Variants in TMEM131 observed in about 807,000 individuals in gnomAD.
The protein encoded by TMEM131 is transmembrane protein 131.
TMEM131 carries 66 observed loss-of-function variants against 211.6 expected under a neutral mutation model. The observed-to-expected ratio is 0.31, with a 90% confidence interval of 0.26 to 0.38. The LOEUF is 0.38. TMEM131 is among the 10% of genes least tolerant of loss of function. The probability of loss-of-function intolerance (pLI) is 1.00; values close to 1 mark genes in which losing one functional copy is unlikely to be tolerated. For missense variants in TMEM131, 2,036 were observed against 2,299.3 expected, an observed-to-expected ratio of 0.89 and a Z score of 2.34; for synonymous variants, 844 against 841.3, an observed-to-expected ratio of 1.00 and a Z score of -0.06.
chr2:97,920,299 G>C (rs936990032), intron 2 of TMEM131, among the ~76,000 whole-genome samples: 16 of 152,294 alleles, frequency 1.1e-4, no homozygotes, highest in African/African-American at 3.1e-4. Flanking sequence ...TATCTTGGGT[G>C]GGGGTGGCAA....
intron 3 of TMEM131, among the ~76,000 whole-genome samples, chr2:97,900,129 TC>T (rs1461650078): frequency 6.6e-6 from 1 of 152,104 alleles, no homozygotes; most frequent in Non-Finnish European, 1.5e-5. Flanking sequence ...AGAGTATCAG[TC>T]GTTTACTCTC....
chr2:97,952,272 G>A (rs1455455940), intron 1 of TMEM131, among the ~76,000 whole-genome samples: 1 of 152,022 alleles, frequency 6.6e-6, no homozygotes, highest in Non-Finnish European at 1.5e-5. Context: ...TCTAACATTA[G>A]GAGAGGAGAA....
chr2:97,857,707 G>A (rs931648527), intron 5 of TMEM131, among the ~76,000 whole-genome samples: 3 of 152,240 alleles, frequency 2.0e-5, no homozygotes, highest in Admixed American at 2.0e-4. Context: ...ACTCACTGAA[G>A]TGTAATATGA....
At chr2:97,902,100 A>G (rs1675879243) in intron 3 of TMEM131, among the ~76,000 whole-genome samples, 1 of 152,160 alleles carries the variant, frequency 6.6e-6, no homozygotes, top group Non-Finnish European at 1.5e-5. Context: ...AAAAATTTTA[A>G]AGTAGAGTAA....
Position 97,811,118 on chromosome 2 carries a change from A to G in TMEM131, c.1968+10T>C, listed in dbSNP as rs199800444. On this transcript the variant is annotated intron_variant, in intron 18 of 40. Transcript: ENST00000186436. ...AACCCCACTGCCATGAATCCCCATA[A>G]AGTCCTTACCTCATAGTCTGTTGTG... 2.6e-4 allele frequency: 413 copies of G among 1,597,020 alleles called. No homozygotes were observed. Among genetic ancestry groups the G allele is most frequent in the Non-Finnish European group, 3.3e-4 (386 of 1,164,582 alleles).
intron 11 of TMEM131, among the ~76,000 whole-genome samples, chr2:97,826,061 G>C (rs1682368858): frequency 6.6e-6 from 1 of 152,190 alleles, no homozygotes; most frequent in African/African-American, 2.4e-5. Flanking sequence ...ACAAATTATA[G>C]TCCAGATTTA....
chr2:97,831,580 AG>A (rs1190733194), intron 11 of TMEM131, among the ~76,000 whole-genome samples: 1 of 151,894 alleles, frequency 6.6e-6, no homozygotes, highest in Non-Finnish European at 1.5e-5. Context: ...TAACAGAAAT[AG>A]ACTATGCAAT....
intron 4 of TMEM131, 44 bp from the exon 5 acceptor site, chr2:97,859,471 T>C (rs778291200): frequency 6.9e-7 from 1 of 1,452,582 alleles, no homozygotes; most frequent in East Asian, 2.5e-5. Context: ...TCACAGATAA[T>C]TCTGATTATT....
chr2:97,929,862 C>T (rs547105825), intron 1 of TMEM131, among the ~76,000 whole-genome samples: 1 of 151,768 alleles, frequency 6.6e-6, no homozygotes, highest in African/African-American at 2.4e-5. Flanking sequence ...TATCTCTAGT[C>T]CTGGCTTATA....
chr2:97,822,128 A>G (rs1682153672), intron 11 of TMEM131, among the ~76,000 whole-genome samples: 1 of 151,862 alleles, frequency 6.6e-6, no homozygotes, highest in South Asian at 2.1e-4. Context: ...TCTAAAAACC[A>G]CTCTCTGTCT....
Position 97,809,674 on chromosome 2 carries a change from A to G in TMEM131, c.2055+14T>C. On this transcript the variant is annotated intron_variant, in intron 19 of 40. Coordinates refer to ENST00000186436, the MANE Select transcript of TMEM131 (RefSeq NM_015348.2). ...AAACGAGCAATAGAAAAATGTGTGT[A>G]TTAATGGTCTTACTGGAAAGGAAGG... 6.2e-7 allele frequency: 1 copy of G among 1,600,380 alleles called. No individual in the cohort carries two copies. Among genetic ancestry groups the G allele is most frequent in the African/African-American group, 1.3e-5 (1 of 74,846 alleles).
chr2:97,995,171 C>T (rs1680436562), intron 1 of TMEM131, among the ~76,000 whole-genome samples: 1 of 152,246 alleles, frequency 6.6e-6, no homozygotes, highest in African/African-American at 2.4e-5. Context: ...TGTACCTATT[C>T]GCCGCAATAA....
chr2:97,848,478 T>C (rs915564772), intron 5 of TMEM131, among the ~76,000 whole-genome samples: 4 of 152,242 alleles, frequency 2.6e-5, no homozygotes, highest in African/African-American at 9.6e-5. Context: ...CTCCTGGCTA[T>C]GCACGTATCT....
chr2:97,982,308 T>C (rs913582590), intron 1 of TMEM131, among the ~76,000 whole-genome samples: 2 of 152,228 alleles, frequency 1.3e-5, no homozygotes, highest in Admixed American at 6.5e-5. Context: ...ACGTTTATTA[T>C]ATATCTTTAT....
intron 1 of TMEM131, among the ~76,000 whole-genome samples, chr2:97,985,943 C>A (rs1680008541): frequency 3.4e-5 from 5 of 145,838 alleles, no homozygotes; most frequent in Admixed American, 6.8e-5. Context: ...AGGCAGAAAC[C>A]ATTTAAAAAA....
At chr2:97,841,630 AT>A (rs1417786067) in intron 7 of TMEM131, among the ~76,000 whole-genome samples, 184 bp downstream of exon 7, 1 of 12,286 alleles carries the variant, frequency 8.1e-5, no homozygotes. Context: ...GTATTCCAAA[AT>A]TCAGACTGCT....
chr2:97,933,401 A>G (rs1677312565), intron 1 of TMEM131, among the ~76,000 whole-genome samples: 2 of 152,212 alleles, frequency 1.3e-5, no homozygotes, highest in South Asian at 2.1e-4. Context: ...TTCTACTCAC[A>G]TGAAAAATGT....
intron 11 of TMEM131, among the ~76,000 whole-genome samples, chr2:97,825,260 T>C (rs979883511): frequency 6.6e-6 from 1 of 152,206 alleles, no homozygotes; most frequent in African/African-American, 2.4e-5. Context: ...GGAAGCCTCA[T>C]GCCAGCAGGC....
At chr2:97,818,481 G>GAAAAAAAAAAA (rs1553601703) in intron 12 of TMEM131, 132 bp downstream of exon 12, 1 of 289,714 alleles carries the variant, frequency 3.5e-6, no homozygotes, top group Non-Finnish European at 6.5e-6. Flanking sequence ...GGCGGGGGGG[G>GAAAAAAAAAAA]ATCAACCTAA....
Sources: gnomAD v4.1 joint callset for allele counts (sites outside exome capture counted in the v4.1 genomes callset) on GRCh38, gnomAD v4.1.1 for gene constraint, MANE v1.5 for transcripts, NCBI Gene and HGNC (gene_info 2026-07-23, HGNC 2026-07-21) for gene names.